Variants in TG observed in about 807,000 individuals in gnomAD.
The protein encoded by TG is thyroid hormones.
A neutral mutation model predicts 324.7 loss-of-function variants in TG; 270 were observed. That is an observed-to-expected ratio of 0.83 (90% CI 0.75 to 0.92). The LOEUF is 0.92. TG is among the 40% of genes least tolerant of loss of function. The pLI, the probability that TG is intolerant of heterozygous loss-of-function variation, is 0.00. For synonymous variants in TG, 1,401 were observed against 1,327.0 expected, an observed-to-expected ratio of 1.06 and a Z score of -1.21; for missense variants, 3,591 against 3,456.4, an observed-to-expected ratio of 1.04 and a Z score of -0.98.
intron 34 of TG, among the ~76,000 whole-genome samples, chr8:132,977,803 G>A (rs1392865468): frequency 6.6e-6 from 1 of 152,088 alleles, no homozygotes; most frequent in Admixed American, 6.5e-5. Context: ...GATTTGGGTG[G>A]GGACACAGAG....
intron 35 of TG, among the ~76,000 whole-genome samples, chr8:132,998,504 C>A (rs1002484839): frequency 1.3e-5 from 2 of 152,098 alleles, no homozygotes; most frequent in African/African-American, 4.8e-5. Flanking sequence ...GGAAAGAGAG[C>A]CCATTGGGTT....
intron 14 of TG, among the ~76,000 whole-genome samples, chr8:132,899,528 A>G (rs961533797): frequency 6.6e-6 from 1 of 152,268 alleles, no homozygotes; most frequent in African/African-American, 2.4e-5. Context: ...ATGAAACAGC[A>G]GTGTTGAAAC....
At chr8:133,078,774 A>T (rs751763960) in intron 41 of TG, among the ~76,000 whole-genome samples, 1 of 152,194 alleles carries the variant, frequency 6.6e-6, no homozygotes, top group South Asian at 2.1e-4. Flanking sequence ...TTTAGCCAAC[A>T]TCTATTGTAA....
intron 26 of TG, among the ~76,000 whole-genome samples, chr8:132,945,027 C>T (rs959268252): frequency 6.6e-6 from 1 of 152,134 alleles, no homozygotes; most frequent in Non-Finnish European, 1.5e-5. Flanking sequence ...GTGAGGAGAA[C>T]CTTGTAGGCG....
intron 45 of TG, among the ~76,000 whole-genome samples, chr8:133,127,623 G>A (rs1427424297): frequency 6.6e-6 from 1 of 152,140 alleles, no homozygotes; most frequent in Non-Finnish European, 1.5e-5. Context: ...TTCTGGTCTA[G>A]GCCGTCACAC....
intron 35 of TG, among the ~76,000 whole-genome samples, chr8:132,986,067 T>C (rs117946075): frequency 0.032 from 4,939 of 152,258 alleles, 109 homozygotes; most frequent in Non-Finnish European, 0.053. Context: ...GTGCTAAGCA[T>C]TTAAACTTCA....
At chr8:132,926,973 G>C (rs1381059677) in intron 22 of TG, among the ~76,000 whole-genome samples, 1 of 152,124 alleles carries the variant, frequency 6.6e-6, no homozygotes, top group Non-Finnish European at 1.5e-5. Context: ...TGCAGAGTTA[G>C]TAAAAAATAT....
chr8:133,055,094 G>A (rs922666944), intron 41 of TG, among the ~76,000 whole-genome samples: 3 of 151,976 alleles, frequency 2.0e-5, no homozygotes, highest in African/African-American at 2.4e-5. Flanking sequence ...GGTCCTTCAC[G>A]GAGCCACACG....
At chr8:132,964,665 C>T (rs1354526349) in intron 29 of TG, 19 of 543,086 alleles carry the variant, frequency 3.5e-5, no homozygotes, top group Admixed American at 1.9e-4. Context: ...TAATCTAATA[C>T]GGCACGTAAA....
chr8:133,089,574 G>A (rs1847171167), intron 41 of TG, among the ~76,000 whole-genome samples: 2 of 152,234 alleles, frequency 1.3e-5, no homozygotes, highest in Admixed American at 6.5e-5. Context: ...GGGATTTAAT[G>A]ACCTCTGAAG....
chr8:132,908,725 C>T (rs1819061775), intron 18 of TG, among the ~76,000 whole-genome samples: 1 of 152,042 alleles, frequency 6.6e-6, no homozygotes, highest in South Asian at 2.1e-4. Context: ...TAAACAAGTA[C>T]CTGTCAGGTA....
intron 41 of TG, among the ~76,000 whole-genome samples, chr8:133,035,137 A>T (rs1836971934): frequency 6.6e-6 from 1 of 152,170 alleles, no homozygotes; most frequent in South Asian, 2.1e-4. Context: ...TAATCTCATT[A>T]CTTTCATTCT....
chr8:133,073,680 T>C (rs1027912671), intron 41 of TG, among the ~76,000 whole-genome samples: 1 of 152,122 alleles, frequency 6.6e-6, no homozygotes, highest in African/African-American at 2.4e-5. Context: ...AACCACACAA[T>C]GACAATTTAA....
At chr8:132,868,914 C>T (rs185632413) in intron 2 of TG, among the ~76,000 whole-genome samples, 6 of 152,282 alleles carry the variant, frequency 3.9e-5, no homozygotes, top group African/African-American at 1.4e-4. Context: ...AGGGGAACTC[C>T]ATTTATATAA....
chr8:133,063,323 C>G (rs1842647518), intron 41 of TG, among the ~76,000 whole-genome samples: 1 of 151,322 alleles, frequency 6.6e-6, no homozygotes, highest in African/African-American at 2.4e-5. Flanking sequence ...TTCTAAGCAG[C>G]AGGCTCCCAC....
At chr8:133,019,844 A>G (rs1835398089) in intron 39 of TG, 149 bp downstream of exon 39, 1 of 677,334 alleles carries the variant, frequency 1.5e-6, no homozygotes, top group South Asian at 1.5e-5. Context: ...TCAGTTAGTG[A>G]GTGATCTGTG....
chr8:133,073,966 CG>C (rs1564155047), intron 41 of TG, among the ~76,000 whole-genome samples: 1 of 152,146 alleles, frequency 6.6e-6, no homozygotes, highest in African/African-American at 2.4e-5. Context: ...CCCAGCCACT[CG>C]GGATGGTGGA....
chr8:133,058,765 G>A (rs1841918338), intron 41 of TG, among the ~76,000 whole-genome samples: 1 of 152,236 alleles, frequency 6.6e-6, no homozygotes, highest in African/African-American at 2.4e-5. Context: ...GCTGTCCTGA[G>A]AGCACATGCT....
chr8:132,890,674 A>G lies in TG; in HGVS notation c.2761+2106A>G, dbSNP rs566356728. On this transcript the variant is annotated intron_variant, in intron 10 of 47. Coordinates refer to ENST00000220616, the MANE Select transcript of TG (RefSeq NM_003235.5). ...ATCTGTAAAATCTGAGTTACAATAC[A>G]TAACTGCCTCAAAGGCTTGTCGGAA... Among the ~76,000 whole-genome samples, 3 of 152,332 alleles carry G rather than the reference A, an allele frequency of 2.0e-5. 1 individual carries two copies. The highest frequency in any genetic ancestry group is 4.1e-4 in the South Asian group (2 of 4,832).
Sources: allele counts gnomAD v4.1 joint callset (sites outside exome capture counted in the v4.1 genomes callset), GRCh38; gene constraint gnomAD v4.1.1; transcripts MANE v1.5; gene names NCBI Gene and HGNC (gene_info 2026-07-23, HGNC 2026-07-21).